The following GRK4 variants were observed in gnomAD, a reference collection of about 807,000 sequenced individuals.
GRK4 encodes the protein G protein-coupled receptor kinase 4, also known as G protein-coupled receptor kinase 2-like.
GRK4 carries 73 observed loss-of-function variants against 77.9 expected under a neutral mutation model. That is an observed-to-expected ratio of 0.94 (90% CI 0.78 to 1.14). GRK4 has a LOEUF of 1.14. Among genes scored for constraint, GRK4 ranks in the 50% most tolerant of loss-of-function variants. The probability of loss-of-function intolerance (pLI) is 0.00; values close to 1 mark genes in which losing one functional copy is unlikely to be tolerated. For synonymous variants in GRK4, 257 were observed against 254.4 expected, an observed-to-expected ratio of 1.01 and a Z score of -0.10; for missense variants, 729 against 700.2, an observed-to-expected ratio of 1.04 and a Z score of -0.46.
chr4:3,009,392 A>G (rs949671891), intron 6 of GRK4, among the ~76,000 whole-genome samples: 2 of 147,680 alleles, frequency 1.4e-5, no homozygotes, highest in Non-Finnish European at 3.0e-5. Flanking sequence ...ACTGCACTCC[A>G]GCCCTGGCGA....
chr4:3,035,258 A>G (rs993958385), intron 12 of GRK4, 128 bp from the exon 13 acceptor site: 7 of 995,970 alleles, frequency 7.0e-6, no homozygotes, highest in Admixed American at 1.9e-5. Context: ...AAAAGAAAAA[A>G]AAAGAAATGA....
At chr4:3,037,237 G>A in intron 13 of GRK4, 137 bp from the exon 14 acceptor site, 1 of 842,102 alleles carries the variant, frequency 1.2e-6, no homozygotes, top group Non-Finnish European at 1.8e-6. Flanking sequence ...CAAGTGAGAG[G>A]GGCCTGGCAA....
chr4:2,988,994 C>T (rs1414058254), intron 3 of GRK4, among the ~76,000 whole-genome samples, 155 bp downstream of exon 3: 1 of 152,072 alleles, frequency 6.6e-6, no homozygotes. Flanking sequence ...ACCATCCTGA[C>T]CAACACAGTG....
intron 1 of GRK4, chr4:2,971,188 TA>T (rs1219450405): frequency 6.6e-6 from 1 of 152,254 alleles, no homozygotes. Flanking sequence ...TCATAAAGAC[TA>T]ATTTGGTAAC....
chr4:3,028,120 C>A, intron 11 of GRK4, 119 bp downstream of exon 11: 1 of 798,388 alleles, frequency 1.3e-6, no homozygotes, highest in Admixed American at 2.1e-5. Context: ...TAGTAGATGG[C>A]GCAGTGGTGT....
intron 2 of GRK4, among the ~76,000 whole-genome samples, chr4:2,985,056 A>G (rs1305575307): frequency 6.6e-6 from 1 of 152,208 alleles, no homozygotes; most frequent in East Asian, 1.9e-4. Flanking sequence ...TTGTCTGTAG[A>G]AGAAACACTG....
intron 9 of GRK4, 26 bp downstream of exon 9, chr4:3,019,857 C>A: frequency 1.3e-6 from 2 of 1,579,072 alleles, no homozygotes; most frequent in South Asian, 1.2e-5. Context: ...CCTAATGGAG[C>A]CTGCAAGTCT....
At position 3,037,085 on chromosome 4, in the gene GRK4, G is replaced by GTGTGTA. The variant is rs1560512612; in HGVS notation, c.1408-284_1408-283insATGTGT. Among the ~76,000 whole-genome samples the GTGTGTA allele has an allele frequency of 1.4e-4, 6 of 43,228 alleles. No individual in the cohort carries two copies. In the South Asian group the frequency reaches 4.7e-3, roughly 34 times the overall value. 28.4% of individuals were successfully genotyped at this position (43,228 alleles called of 152,430 possible). A position where few individuals can be genotyped will look rare whatever the true frequency, so the allele number is the denominator to read the frequency against. On this transcript the variant is annotated intron_variant, in intron 13 of 15. Transcript: ENST00000398052. ...TGTGTGTGTGTATGTGTGTGTGTAT[G>GTGTGTA]TGTGTGTGTGTGTGTGTGAGAAAGA...
intron 10 of GRK4, among the ~76,000 whole-genome samples, chr4:3,027,546 G>GTATT (rs951439239): frequency 6.6e-5 from 10 of 152,090 alleles, no homozygotes; most frequent in Non-Finnish European, 1.5e-4. Flanking sequence ...CTGACAGAAA[G>GTATT]TATTTATTTA....
chr4:2,964,752 C>T (rs1383532707), intron 1 of GRK4, among the ~76,000 whole-genome samples: 1 of 152,168 alleles, frequency 6.6e-6, no homozygotes, highest in African/African-American at 2.4e-5. Context: ...GTACTGCATT[C>T]ATTCACTCCA....
chr4:3,026,221 A>G (rs1022897116), intron 10 of GRK4, among the ~76,000 whole-genome samples: 2 of 152,218 alleles, frequency 1.3e-5, no homozygotes, highest in African/African-American at 2.4e-5. Flanking sequence ...CATTCCCACC[A>G]GCAGTGCACG....
At chr4:2,999,331 G>C (rs1017268185) in intron 4 of GRK4, among the ~76,000 whole-genome samples, 1 of 152,128 alleles carries the variant, frequency 6.6e-6, no homozygotes, top group African/African-American at 2.4e-5. Flanking sequence ...AACCAGTCCT[G>C]AGATTGCAGC....
At chr4:2,968,274 G>A (rs1260918437) in intron 1 of GRK4, among the ~76,000 whole-genome samples, 1 of 152,174 alleles carries the variant, frequency 6.6e-6, no homozygotes, top group Non-Finnish European at 1.5e-5. Flanking sequence ...CGTAATACGT[G>A]CATTTAATGT....
At chr4:2,984,910 G>A (rs568136663) in intron 2 of GRK4, among the ~76,000 whole-genome samples, 1 of 151,938 alleles carries the variant, frequency 6.6e-6, no homozygotes, top group South Asian at 2.1e-4. Flanking sequence ...GCCTCCCAAA[G>A]TGCTGGGATT....
At position 3,029,317 on chromosome 4, in the gene GRK4, G is replaced by T. The variant is rs769964952; in HGVS notation, c.1177G>T (p.Val393Phe). 6.2e-7 allele frequency: 1 copy of T among 1,614,156 alleles called. No homozygotes were observed. The highest frequency in any genetic ancestry group is 8.5e-7 in the Non-Finnish European group (1 of 1,180,016). ...HSPFKKYKEK[V>F]KWEEVDQRIK... is the part of the protein sequence containing the mutation. ...TCCATTCAAAAAATACAAAGAGAAA[G>T]TCAAATGGGAGGAGGTCGATCAAAG... is the stretch of plus-strand genomic sequence containing the variant. Residue 393 changes from valine (V) to phenylalanine (F), a missense_variant, in exon 12 of 16, where the codon GTC becomes TTC. Coordinates refer to ENST00000398052, the MANE Select transcript of GRK4 (RefSeq NM_182982.3).
chr4:3,010,473 C>T (rs1325300192), intron 7 of GRK4, among the ~76,000 whole-genome samples: 5 of 152,156 alleles, frequency 3.3e-5, no homozygotes, highest in Non-Finnish European at 5.9e-5. Context: ...GTGATCCGCC[C>T]TCCTCAGCCT....
intron 1 of GRK4, among the ~76,000 whole-genome samples, chr4:2,971,988 T>G (rs1315361980): frequency 1.3e-5 from 2 of 152,288 alleles, no homozygotes; most frequent in South Asian, 4.1e-4. Context: ...TATCTCCAAA[T>G]AAGATCACTG....
intron 2 of GRK4, chr4:2,985,898 C>T (rs1040738387): frequency 1.3e-5 from 2 of 155,998 alleles, no homozygotes; most frequent in African/African-American, 5.0e-5. Flanking sequence ...ACTTGGGAAG[C>T]TGAGGCAGGA....
intron 1 of GRK4, among the ~76,000 whole-genome samples, chr4:2,975,422 T>G (rs1255378391): frequency 6.6e-6 from 1 of 151,978 alleles, no homozygotes; most frequent in Non-Finnish European, 1.5e-5. Flanking sequence ...TAATATACCG[T>G]GGGGGAGCAG....
Sources: gnomAD v4.1 joint callset for allele counts (sites outside exome capture counted in the v4.1 genomes callset) on GRCh38, gnomAD v4.1.1 for gene constraint, MANE v1.5 for transcripts, NCBI Gene and HGNC (gene_info 2026-07-23, HGNC 2026-07-21) for gene names.